RGS3: variants seen among roughly 807,000 people sequenced by gnomAD.
RGS3 encodes regulator of G-protein signalling 3.
RGS3 carries 80 observed loss-of-function variants against 132.6 expected under a neutral mutation model. The observed-to-expected ratio is 0.60, with a 90% CI of 0.50 to 0.73. The LOEUF (loss-of-function observed/expected upper bound fraction) is 0.73, where lower values mean the gene tolerates loss of function less well. Ranked by LOEUF, RGS3 falls within the 30% of genes least tolerant of loss-of-function variation. The pLI is 0.00. For missense variants in RGS3, 1,382 were observed against 1,530.8 expected, an observed-to-expected ratio of 0.90 and a Z score of 1.62; for synonymous variants, 598 against 620.6, an observed-to-expected ratio of 0.96 and a Z score of 0.54.
At position 113,516,547 on chromosome 9, in the gene RGS3, C is replaced by T. The variant is rs1484106069; in HGVS notation, c.1675-994C>T. Among the ~76,000 whole-genome samples the T allele has an allele frequency of 2.6e-5, 4 of 151,552 alleles. No homozygotes were observed. In the East Asian group the frequency reaches 7.8e-4, roughly 29 times the overall value. On this transcript the variant is annotated intron_variant, in intron 15 of 24. Transcript: ENST00000350696. ...TAGTTTTTTGTATTTTTAGTAGAGA[C>T]GGGGTTTTACCATGTTGGCCAGGCT...
At chr9:113,452,386 T>C (rs1018204320) in intron 1 of RGS3, among the ~76,000 whole-genome samples, 2 of 152,104 alleles carry the variant, frequency 1.3e-5, no homozygotes, top group African/African-American at 4.8e-5. Flanking sequence ...GATGTCATTC[T>C]TATTTTTGCT....
intron 21 of RGS3, chr9:113,593,879 C>T (rs1379562560): frequency 1.9e-6 from 3 of 1,554,480 alleles, no homozygotes; most frequent in Non-Finnish European, 1.7e-6. Flanking sequence ...CAGCAATTTG[C>T]TGACTTGTCC....
rs979628460 is a variant in RGS3, at chr9:113,537,079, C to G, written c.2037+161C>G. ...GGGGACCTGTGCCCGAATGTCTCTC[C>G]CCCTTGGCATGTCATTGGGTCTGCT... On this transcript the variant is annotated intron_variant, in intron 19 of 24. Transcript: ENST00000350696. The surrounding 1 kb of genome is among the most constrained non-coding windows in gnomAD (Gnocchi z 4.3). Among the ~76,000 whole-genome samples the G allele has an allele frequency of 6.6e-6, 1 of 152,218 alleles. No individual in the cohort carries two copies. Among genetic ancestry groups the G allele is most frequent in the Non-Finnish European group, 1.5e-5 (1 of 68,030 alleles).
chr9:113,582,380 G>T (rs928165385), intron 19 of RGS3: 1 of 187,782 alleles, frequency 5.3e-6, no homozygotes, highest in African/African-American at 2.4e-5. Flanking sequence ...GTGCCCGCAG[G>T]TGCACACATT....
At chr9:113,539,797 G>A (rs1014782297) in intron 19 of RGS3, among the ~76,000 whole-genome samples, 4 of 152,182 alleles carry the variant, frequency 2.6e-5, no homozygotes, top group Admixed American at 6.5e-5. Flanking sequence ...TTCACAAAAC[G>A]TAATAAGTGC....
At chr9:113,513,635 A>G (rs1315260513) in intron 14 of RGS3, among the ~76,000 whole-genome samples, 1 of 152,170 alleles carries the variant, frequency 6.6e-6, no homozygotes, top group Non-Finnish European at 1.5e-5. Context: ...GCTTGGCACT[A>G]TTGTTACAGT....
chr9:113,497,911 G>A (rs760315743), intron 9 of RGS3, 114 bp from the exon 8 acceptor site: 28 of 986,194 alleles, frequency 2.8e-5, no homozygotes, highest in Non-Finnish European at 2.2e-5. Context: ...GAGGCCAGGA[G>A]TGGCCCTGGG....
chr9:113,552,410 G>A (rs1564560665), intron 19 of RGS3, among the ~76,000 whole-genome samples: 3 of 152,022 alleles, frequency 2.0e-5, no homozygotes, highest in African/African-American at 7.3e-5. Flanking sequence ...CCCGCCTCCC[G>A]GGTTCACGCC....
exon 25 of RGS3, chr9:113,596,890 C>T: frequency 6.2e-7 from 1 of 1,613,854 alleles, no homozygotes; most frequent in Non-Finnish European, 8.5e-7. Context: ...CGTACCCTCG[C>T]TTTCTCCGTT....
chr9:113,597,148 G>A (rs1835829186), exon 25 of RGS3: 1 of 559,840 alleles, frequency 1.8e-6, no homozygotes, highest in South Asian at 2.4e-5. Flanking sequence ...GATGGGCCCC[G>A]TGGGGTCCCC....
intron 19 of RGS3, among the ~76,000 whole-genome samples, chr9:113,547,535 C>T (rs773064218): frequency 6.6e-6 from 1 of 152,182 alleles, no homozygotes; most frequent in Non-Finnish European, 1.5e-5. Flanking sequence ...TTTGTTTCAA[C>T]TTCACGTGTA....
chr9:113,522,805 G>C, intron 16 of RGS3, 125 bp from the exon 15 acceptor site: 1 of 737,942 alleles, frequency 1.4e-6, no homozygotes, highest in Non-Finnish European at 2.5e-6. Context: ...TCCTGGTTTT[G>C]TGTGAGATGA....
At chr9:113,539,595 C>A (rs1044851519) in intron 19 of RGS3, among the ~76,000 whole-genome samples, 2 of 152,186 alleles carry the variant, frequency 1.3e-5, no homozygotes, top group Admixed American at 1.3e-4. Flanking sequence ...GTGGATGCTC[C>A]ACCTTCTGCT....
intron 19 of RGS3, among the ~76,000 whole-genome samples, chr9:113,544,440 G>A (rs1317701474): frequency 1.3e-5 from 2 of 151,848 alleles, no homozygotes; most frequent in African/African-American, 4.8e-5. Flanking sequence ...AGACCTTTTG[G>A]AAATAATGAC....
intron 19 of RGS3, among the ~76,000 whole-genome samples, chr9:113,542,885 C>T (rs983157773): frequency 6.6e-6 from 1 of 152,194 alleles, no homozygotes; most frequent in Non-Finnish European, 1.5e-5. Flanking sequence ...ATGGGGCTTC[C>T]GAGGGCCAGG....
chr9:113,510,354 C>T (rs1831351396), intron 14 of RGS3, among the ~76,000 whole-genome samples: 1 of 152,216 alleles, frequency 6.6e-6, no homozygotes, highest in African/African-American at 2.4e-5. Flanking sequence ...AGTGGAGATG[C>T]TGCAGCTAAG....
At position 113,537,003 on chromosome 9, in the gene RGS3, G is replaced by A. The variant is rs1008183700; in HGVS notation, c.2037+85G>A. 46 of 1,366,474 alleles carry A rather than the reference G, an allele frequency of 3.4e-5. No individual in the cohort carries two copies. The highest frequency in any genetic ancestry group is 4.0e-5 in the Non-Finnish European group (40 of 989,586). 84.6% of individuals were successfully genotyped at this position (1,366,474 alleles called of 1,614,324 possible). A position where few individuals can be genotyped will look rare whatever the true frequency, so the allele number is the denominator to read the frequency against. ...CCCTTGAGCCTCTGCATTGAGCTGGGGGCCAGCCTGAGCTTCCAACTTGGC... is the reference window on the plus strand; with the variant it reads ...CCCTTGAGCCTCTGCATTGAGCTGGAGGCCAGCCTGAGCTTCCAACTTGGC... On this transcript the variant is annotated intron_variant, in intron 19 of 24. Transcript: ENST00000350696. The surrounding 1 kb of genome is among the most constrained non-coding windows in gnomAD (Gnocchi z 4.3).
At chr9:113,455,283 T>G (rs549136370), upstream of RGS3, among the ~76,000 whole-genome samples, 108 of 152,358 alleles carry the variant, frequency 7.1e-4, no homozygotes, top group African/African-American at 2.5e-3. Flanking sequence ...GTTCCTGTTA[T>G]TCCATCTTGG....
chr9:113,482,520 G>A (rs1194735541), intron 4 of RGS3, among the ~76,000 whole-genome samples: 1 of 152,174 alleles, frequency 6.6e-6, no homozygotes, highest in African/African-American at 2.4e-5. Context: ...GCCACAGCAC[G>A]GCTCACGGCA....
Sources: gnomAD v4.1 joint callset for allele counts (sites outside exome capture counted in the v4.1 genomes callset) on GRCh38, gnomAD v4.1.1 for gene constraint, Gnocchi (gnomAD v3.1) non-coding constraint, MANE v1.5 for transcripts, NCBI Gene and HGNC (gene_info 2026-07-23, HGNC 2026-07-21) for gene names.